Variants in CARD14 observed in about 807,000 individuals in gnomAD.
The protein encoded by CARD14 is caspase recruitment domain family member 14, also known as caspase recruitment domain-containing protein 14.
In CARD14, 107 loss-of-function variants were observed where a neutral mutation model predicts 111.5. The ratio of observed to expected loss-of-function variants is 0.96; its 90% CI spans 0.82 to 1.13. The LOEUF (loss-of-function observed/expected upper bound fraction) is 1.13. CARD14 is among the 50% of genes most tolerant of loss of function. The pLI, the probability that CARD14 is intolerant of heterozygous loss-of-function variation, is 0.00. For missense variants in CARD14, 1,322 were observed against 1,362.3 expected, an observed-to-expected ratio of 0.97 and a Z score of 0.47; for synonymous variants, 617 against 579.6, an observed-to-expected ratio of 1.06 and a Z score of -0.93.
rs370220621 is a variant in CARD14, at chr17:80,182,532, G to C, written c.212-121G>C. 24 of 1,214,002 alleles carry C rather than the reference G, an allele frequency of 2.0e-5. No homozygotes were observed. The highest frequency in any genetic ancestry group is 2.7e-5 in the Non-Finnish European group (24 of 876,080). 75.2% of individuals were successfully genotyped at this position (1,214,002 alleles called of 1,614,324 possible). ...ACCCAGAAAACCGCTTTCACCTCCCGATTCTTACATGTGCGGGGGGTTTCC... is the reference window on the plus strand; with the variant it reads ...ACCCAGAAAACCGCTTTCACCTCCCCATTCTTACATGTGCGGGGGGTTTCC... On this transcript the variant is annotated intron_variant, in intron 5 of 23. Coordinates refer to ENST00000648509, the MANE Select transcript of CARD14 (RefSeq NM_001366385.1). The surrounding 1 kb of genome is among the most constrained non-coding windows in gnomAD (Gnocchi z 4.7).
At position 80,208,404 on chromosome 17, in the gene CARD14, G is replaced by A. The variant is rs2144643305; in HGVS notation, c.*59G>A. On this transcript the variant is annotated 3_prime_UTR_variant, in exon 24 of 24. Transcript: ENST00000648509. ...TCTGTGTGCCTGTTAATGCAGTCCTGTTCCTCAGCCCAGGCCCTCTTGGCA... is the reference window on the plus strand; with the variant it reads ...TCTGTGTGCCTGTTAATGCAGTCCTATTCCTCAGCCCAGGCCCTCTTGGCA... The A allele has an allele frequency of 3.5e-6, 5 of 1,439,192 alleles. No homozygotes were observed. The South Asian group carries it at 4.0e-5, about 11-fold the overall frequency. The allele number at this position is 1,439,192 out of a possible 1,614,324, so 89.2% of individuals were successfully genotyped here.
intron 1 of CARD14, among the ~76,000 whole-genome samples, chr17:80,171,085 C>T (rs1237769764): frequency 6.6e-6 from 1 of 150,942 alleles, no homozygotes; most frequent in Admixed American, 6.6e-5. Flanking sequence ...AGGTAATCCG[C>T]CCATCTTGGT....
intron 7 of CARD14, among the ~76,000 whole-genome samples, chr17:80,186,233 G>GACT (rs2040340064): frequency 6.6e-6 from 1 of 151,514 alleles, no homozygotes; most frequent in Non-Finnish European, 1.5e-5. Flanking sequence ...GACCAGGCCA[G>GACT]CCCACTTTGC....
At position 80,173,236 on chromosome 17, in the gene CARD14, G is replaced by A. The variant is rs1045803993; in HGVS notation, c.-367+8G>A. 1.3e-5 allele frequency: 2 copies of A among 153,656 alleles called. No individual in the cohort carries two copies. The highest frequency in any genetic ancestry group is 4.8e-5 in the African/African-American group (2 of 41,346). 9.5% of individuals were successfully genotyped at this position (153,656 alleles called of 1,614,324 possible). A position where few individuals can be genotyped will look rare whatever the true frequency, so the allele number is the denominator to read the frequency against. ...CAGCAAGCATTAGCATTGGTGAGGA[G>A]TGTTCCAGAATCCCTCTGCTCTCTG... On this transcript the variant is annotated splice_region_variant and intron_variant, in intron 2 of 23. Transcript: ENST00000648509.
chr17:80,199,539 G>C (rs1385058006), intron 16 of CARD14, among the ~76,000 whole-genome samples: 3 of 132,546 alleles, frequency 2.3e-5, no homozygotes, highest in African/African-American at 8.4e-5. Flanking sequence ...TCGAGCCTGG[G>C]TGACAGAGCA....
At chr17:80,187,488 C>T (rs1403120438) in intron 7 of CARD14, among the ~76,000 whole-genome samples, 9 of 152,188 alleles carry the variant, frequency 5.9e-5, no homozygotes, top group Admixed American at 6.5e-5. Flanking sequence ...TCATGTTTTC[C>T]GGTTCCCTTC....
At position 80,203,550 on chromosome 17, in the gene CARD14, G is replaced by C; in HGVS notation, c.2220-272G>C. The C allele has an allele frequency of 2.3e-6, 1 of 427,056 alleles. No homozygotes were observed. Among genetic ancestry groups the C allele is most frequent in the East Asian group, 3.9e-5 (1 of 25,710 alleles). 26.5% of individuals were successfully genotyped at this position (427,056 alleles called of 1,614,324 possible). On this transcript the variant is annotated intron_variant, in intron 18 of 23. Transcript: ENST00000648509. The surrounding 1 kb of genome is among the most constrained non-coding windows in gnomAD (Gnocchi z 4.6). ...TGGAGTGGGGCCCTGTACGCTGGCT[G>C]CTCAACAGCACCCCCTGGGTCCCGC...
chr17:80,179,841 C>A (rs896854250), intron 4 of CARD14, among the ~76,000 whole-genome samples: 13 of 151,986 alleles, frequency 8.6e-5, no homozygotes, highest in Admixed American at 7.9e-4. Flanking sequence ...CAAAAAAAAT[C>A]ATTTTTAAAT....
At position 80,208,385 on chromosome 17, in the gene CARD14, T is replaced by C. The variant is rs1384620277; in HGVS notation, c.*40T>C. The C allele has an allele frequency of 1.9e-5, 28 of 1,498,512 alleles. No homozygotes were observed. The highest frequency in any genetic ancestry group is 2.4e-5 in the Non-Finnish European group (26 of 1,105,400). The allele number at this position is 1,498,512 out of a possible 1,614,324, so 92.8% of individuals were successfully genotyped here. ...TCCCGGGACTGTGGGGGCTTCTGTG[T>C]GCCTGTTAATGCAGTCCTGTTCCTC... is the stretch of plus-strand genomic sequence containing the variant. On this transcript the variant is annotated 3_prime_UTR_variant, in exon 24 of 24. Coordinates refer to ENST00000648509, the MANE Select transcript of CARD14 (RefSeq NM_001366385.1).
Position 80,202,538 on chromosome 17 carries a change from C to T in CARD14, c.2219+118C>T, listed in dbSNP as rs1378356302. 26 of 1,478,618 alleles carry T rather than the reference C, an allele frequency of 1.8e-5. No individual in the cohort carries two copies. The South Asian group carries it at 3.2e-4, about 18-fold the overall frequency. 91.6% of individuals were successfully genotyped at this position (1,478,618 alleles called of 1,614,324 possible). ...TAGAGGGTGGGCGTGGTGAGACCCCCCTAAGGAGGGAAGCCTGCCAAGATC... is the reference window on the plus strand; with the variant it reads ...TAGAGGGTGGGCGTGGTGAGACCCCTCTAAGGAGGGAAGCCTGCCAAGATC... On this transcript the variant is annotated intron_variant, in intron 18 of 23. Transcript: ENST00000648509.
At chr17:80,191,267 G>C (rs138208838) in intron 10 of CARD14, 56 bp from the exon 11 acceptor site, 3 of 1,585,124 alleles carry the variant, frequency 1.9e-6, no homozygotes, top group Middle Eastern at 1.7e-4. Context: ...TCCTTCTCTA[G>C]CTGAGGCTCC....
chr17:80,188,142 C>A lies in CARD14; in HGVS notation c.676-235C>A. 1 of 469,968 alleles carries A rather than the reference C, an allele frequency of 2.1e-6. No individual in the cohort carries two copies. The highest frequency in any genetic ancestry group is 3.2e-6 in the Non-Finnish European group (1 of 310,328). The allele number at this position is 469,968 out of a possible 1,614,324, so 29.1% of individuals were successfully genotyped here. A position where few individuals can be genotyped will look rare whatever the true frequency, so the allele number is the denominator to read the frequency against. ...TGGGACCCTAACCCTGGATGGAGTT[C>A]AACCGCGGTGCCTCATCTATAAGAC... On this transcript the variant is annotated intron_variant, in intron 7 of 23. Coordinates refer to ENST00000648509, the MANE Select transcript of CARD14 (RefSeq NM_001366385.1). This position sits in a 1 kb window ranked among gnomAD's most constrained non-coding sequence, Gnocchi z 4.5.
intron 17 of CARD14, 113 bp from the exon 18 acceptor site, chr17:80,202,067 C>T: frequency 8.2e-7 from 1 of 1,224,258 alleles, no homozygotes; most frequent in Non-Finnish European, 1.2e-6. Context: ...AGTGCCAGAG[C>T]AGCTTCTGAG....
intron 2 of CARD14, among the ~76,000 whole-genome samples, chr17:80,177,286 T>C (rs1598626367): frequency 6.6e-6 from 1 of 151,892 alleles, no homozygotes; most frequent in Admixed American, 6.6e-5. Context: ...TGGAGTGGAG[T>C]GGCACTACCT....
At chr17:80,181,372 G>A (rs891100005) in intron 4 of CARD14, 47 bp from the exon 5 acceptor site, 4 of 1,419,644 alleles carry the variant, frequency 2.8e-6, no homozygotes, top group Non-Finnish European at 3.9e-6. Flanking sequence ...GGCTATCCTG[G>A]GGTCCTGCTT....
Position 80,203,535 on chromosome 17 carries a change from C to T in CARD14, c.2220-287C>T, listed in dbSNP as rs1051534516. On this transcript the variant is annotated intron_variant, in intron 18 of 23. Coordinates refer to ENST00000648509, the MANE Select transcript of CARD14 (RefSeq NM_001366385.1). This position sits in a 1 kb window ranked among gnomAD's most constrained non-coding sequence, Gnocchi z 4.6. The stretch of plus-strand genomic sequence containing the variant: ...TGAATATTGAGGTCCTGGAGTGGGG[C>T]CCTGTACGCTGGCTGCTCAACAGCA... 2 of 382,312 alleles carry T rather than the reference C, an allele frequency of 5.2e-6. No homozygotes were observed. The highest frequency in any genetic ancestry group is 9.4e-6 in the Non-Finnish European group (2 of 213,068). The allele number at this position is 382,312 out of a possible 1,614,324, so 23.7% of individuals were successfully genotyped here.
chr17:80,201,810 G>A lies in CARD14; in HGVS notation c.1918G>A (p.Val640Met), dbSNP rs751439750. The A allele has an allele frequency of 2.4e-5, 38 of 1,613,818 alleles. 1 individual carries two copies. The highest frequency in any genetic ancestry group is 1.6e-4 in the Middle Eastern group (1 of 6,084). The change falls in exon 17 of 24, where the codon GTG becomes ATG. Residue 640 changes from valine to methionine, a missense_variant. Coordinates refer to ENST00000648509, the MANE Select transcript of CARD14 (RefSeq NM_001366385.1). This position sits in a 1 kb window ranked among gnomAD's most constrained non-coding sequence, Gnocchi z 5.0. ...GGAGGACACGACCCTGGAGGAGGCC[G>A]TGGGGCTTCTCAGGAGGGTGGACGG... The part of the protein sequence containing the change: ...VLEDTTLEEA[V>M]GLLRRVDGFC...
Position 80,203,688 on chromosome 17 carries a change from G to T in CARD14, c.2220-134G>T. 1.6e-6 allele frequency: 1 copy of T among 626,646 alleles called. No individual in the cohort carries two copies. Among genetic ancestry groups the T allele is most frequent in the Non-Finnish European group, 2.8e-6 (1 of 353,774 alleles). 38.8% of individuals were successfully genotyped at this position (626,646 alleles called of 1,614,324 possible). A position where few individuals can be genotyped will look rare whatever the true frequency, so the allele number is the denominator to read the frequency against. ...TGGAGCGCTCCAGCCTGCAGCAAAG[G>T]GATGTGTGGAGCTCTAGGTGGAGGC... is the stretch of plus-strand genomic sequence containing the variant. On this transcript the variant is annotated intron_variant, in intron 18 of 23. Transcript: ENST00000648509. The surrounding 1 kb of genome is among the most constrained non-coding windows in gnomAD (Gnocchi z 4.6).
rs200610907 is a variant in CARD14, at chr17:80,198,501, C to T, written c.1761C>T (p.Gly587=). ...DALLEQISVI[G]GNLTGIFIHR... ...TGCTGGAGCAGATCAGCGTCATCGG[C>T]GGGAACCTCACGGGCATCTTCATCC... The change falls in exon 16 of 24, where the codon GGC becomes GGT. Residue 587 remains glycine (G), a synonymous_variant. Transcript: ENST00000648509. The surrounding 1 kb of genome is among the most constrained non-coding windows in gnomAD (Gnocchi z 7.5). 4.4e-5 allele frequency: 71 copies of T among 1,613,326 alleles called. No homozygotes were observed. Among genetic ancestry groups the T allele is most frequent in the African/African-American group, 6.7e-5 (5 of 75,066 alleles).
Sources: allele counts gnomAD v4.1 joint callset (sites outside exome capture counted in the v4.1 genomes callset), GRCh38; gene constraint gnomAD v4.1.1; non-coding constraint Gnocchi (gnomAD v3.1); transcripts MANE v1.5; gene names NCBI Gene and HGNC (gene_info 2026-07-23, HGNC 2026-07-21).